Variants in IGF2R observed in about 807,000 individuals in gnomAD.
IGF2R encodes insulin like growth factor 2 receptor.
In IGF2R, 91 loss-of-function variants were observed where a neutral mutation model predicts 270.6. The observed-to-expected ratio is 0.34, with a 90% CI of 0.28 to 0.40. The LOEUF is 0.40. Among genes scored for constraint, IGF2R ranks in the 10% least tolerant of loss-of-function variants. IGF2R has a pLI of 1.00. For missense variants in IGF2R, 2,805 were observed against 3,188.3 expected (o/e 0.88, Z 2.90); for synonymous variants, 1,316 against 1,258.9 (o/e 1.05, Z -0.96).
intron 3 of IGF2R, among the ~76,000 whole-genome samples, chr6:160,009,690 T>C (rs1784303774): frequency 6.6e-6 from 1 of 152,226 alleles, no homozygotes; most frequent in African/African-American, 2.4e-5. Flanking sequence ...GATTTTAATC[T>C]TTAGTTTTTG....
rs1740408289 is a variant in IGF2R, at chr6:160,104,992, G to A, written c.7384G>A (p.Gly2462Arg). The change falls in exon 48 of 48, where the codon GGG (glycine) becomes AGG (arginine). Residue 2462 changes from glycine to arginine, a missense_variant. Physicochemically the swap from Gly to Arg is moderately radical, Grantham distance 125. Around this residue, in one of 2 missense-constraint regions of IGF2R, gnomAD observed 1,851 missense variants for 2,207.2 expected, o/e 0.84. Transcript: ENST00000356956. ...GGTCAGGGGTGAGAAGGCGAGGAAA[G>A]GGAAGTCCAGCTCTGCACAGCAGAA... is the stretch of plus-strand genomic sequence containing the variant. ...GLVRGEKARK[G>R]KSSSAQQKTV... 6.2e-7 allele frequency: 1 copy of A among 1,613,866 alleles called. No homozygotes were observed. The highest frequency in any genetic ancestry group is 1.1e-5 in the South Asian group (1 of 91,088).
intron 4 of IGF2R, among the ~76,000 whole-genome samples, chr6:160,015,899 C>A (rs1281670600): frequency 6.6e-6 from 1 of 152,208 alleles, no homozygotes; most frequent in Admixed American, 6.5e-5. Flanking sequence ...CTCTCACCGT[C>A]TTGCTCCTGC....
At chr6:159,974,067 C>A (rs994007192) in intron 1 of IGF2R, among the ~76,000 whole-genome samples, 1 of 152,148 alleles carries the variant, frequency 6.6e-6, no homozygotes, top group Non-Finnish European at 1.5e-5. Context: ...TCATGGGACC[C>A]ACCAGACTGT....
rs770844502 is a variant in IGF2R at position 160,075,881 on chromosome 6, A to G, written c.5201A>G (p.Asn1734Ser). 7.4e-6 allele frequency: 12 copies of G among 1,614,024 alleles called. No individual in the cohort carries two copies. Among genetic ancestry groups the G allele is most frequent in the South Asian group, 3.3e-5 (3 of 91,094 alleles). ...IGRVAGPPIL[N>S]PIANEIYLNF... ...CGGGTAGCAGGACCACCAATACTCA[A>G]TCCAATAGCAAATGAGATTTACTTG... The change falls in exon 36 of 48, where the codon AAT becomes AGT. Residue 1734 changes from asparagine (N) to serine (S), a missense_variant. Asn to Ser is a conservative substitution (Grantham distance 46). Transcript: ENST00000356956.
At chr6:160,062,168 A>ATTTTTT (rs34356477) in intron 25 of IGF2R, among the ~76,000 whole-genome samples, 16 of 106,604 alleles carry the variant, frequency 1.5e-4, no homozygotes, top group East Asian at 3.1e-4. Context: ...CATTTATTTA[A>ATTTTTT]TTTTTTTTTT....
intron 30 of IGF2R, 100 bp from the exon 31 acceptor site, chr6:160,069,768 A>T: frequency 9.6e-7 from 1 of 1,039,660 alleles, no homozygotes. Flanking sequence ...TAGAAAGCGT[A>T]TGAAGTTCTG....
Position 160,061,580 on chromosome 6 carries a change from G to A in IGF2R, c.3340G>A (p.Asp1114Asn), listed in dbSNP as rs150749328. ...TTGGACGGCTGTTGACACCTCTGTC[G>A]ATGGGAGAAAGAGGACTTTCTATTT... The part of the protein sequence containing the change: ...KPWTAVDTSV[D>N]GRKRTFYLSV... The change falls in exon 24 of 48, where the codon GAT (aspartate) becomes AAT (asparagine). Residue 1114 changes from aspartate to asparagine, a missense_variant. Physicochemically the swap from Asp to Asn is conservative, Grantham distance 23. Around this residue, in one of 2 missense-constraint regions of IGF2R, gnomAD observed 1,851 missense variants for 2,207.2 expected, o/e 0.84. Coordinates refer to ENST00000356956, the MANE Select transcript of IGF2R (RefSeq NM_000876.4). 161 of 1,613,752 alleles carry A rather than the reference G, an allele frequency of 1.0e-4. No homozygotes were observed. The highest frequency in any genetic ancestry group is 1.3e-4 in the Non-Finnish European group (154 of 1,179,764).
At chr6:160,070,715 G>A (rs544116879) in intron 31 of IGF2R, among the ~76,000 whole-genome samples, 84 of 152,312 alleles carry the variant, frequency 5.5e-4, no homozygotes, top group Non-Finnish European at 2.2e-4. Context: ...TGACAAGCTC[G>A]GTGGCTGAGT....
intron 45 of IGF2R, among the ~76,000 whole-genome samples, chr6:160,101,999 G>GCC (rs1779496603): frequency 6.6e-6 from 1 of 152,202 alleles, no homozygotes; most frequent in Admixed American, 6.5e-5. Context: ...TGCTCCCTGG[G>GCC]CCCCACCCTG....
At chr6:160,065,814 GTATATATATATATATA>G (rs59035193) in intron 29 of IGF2R, among the ~76,000 whole-genome samples, 870 of 78,418 alleles carry the variant, frequency 0.011, 26 homozygotes, top group African/African-American at 0.04. Context: ...GTGTGTGTGT[GTATATATATATATATA>G]TATATATATA....
rs796628528 is a variant in IGF2R at position 160,045,605 on chromosome 6, G to C, written c.1766-140G>C. On this transcript the variant is annotated intron_variant, in intron 13 of 47. Transcript: ENST00000356956. ...TAGGTGGAATGCTACAGTATTTGTA[G>C]GGCTGTTTTTTGACCCTTCTATGCA... 1.8e-5 allele frequency: 16 copies of C among 905,256 alleles called. No individual in the cohort carries two copies. In the African/African-American group the frequency reaches 1.8e-4, roughly 10 times the overall value. 56.1% of individuals were successfully genotyped at this position (905,256 alleles called of 1,614,324 possible).
At chr6:159,982,890 C>A (rs1430057171) in intron 1 of IGF2R, among the ~76,000 whole-genome samples, 1 of 152,122 alleles carries the variant, frequency 6.6e-6, no homozygotes, top group Non-Finnish European at 1.5e-5. Flanking sequence ...ATTTTACATA[C>A]TTTAGATGCT....
Position 160,040,733 on chromosome 6 carries a change from C to T in IGF2R, c.1480+9C>T, listed in dbSNP as rs369278303. ...GCTGGTCCGCCATGCAGGTACTGCC[C>T]TCCTTGCCATGCGGGTCTTAGTCCA... On this transcript the variant is annotated intron_variant, in intron 11 of 47. Coordinates refer to ENST00000356956, the MANE Select transcript of IGF2R (RefSeq NM_000876.4). 1.3e-5 allele frequency: 21 copies of T among 1,607,462 alleles called. No individual in the cohort carries two copies. The African/African-American group carries it at 2.8e-4, about 21-fold the overall frequency.
intron 44 of IGF2R, chr6:160,095,241 T>C (rs1583304864): frequency 6.6e-6 from 1 of 152,320 alleles, no homozygotes; most frequent in Non-Finnish European, 1.5e-5. Context: ...GCTCAGACAA[T>C]ATGCTTGGGG....
chr6:160,047,921 AGCT>A lies in IGF2R; in HGVS notation c.2345+18_2345+20del. On this transcript the variant is annotated intron_variant, in intron 17 of 47. Transcript: ENST00000356956. Reference sequence around the variant, plus strand: ...CGACCTCTCCAGGTGAGGCAGAGTCAGCTGCTCTGTTTTTGGCCTGGTACAGAT... The same window carrying A: ...CGACCTCTCCAGGTGAGGCAGAGTCAGCTCTGTTTTTGGCCTGGTACAGAT... 6.5e-7 allele frequency: 1 copy of A among 1,540,958 alleles called. No individual in the cohort carries two copies. The highest frequency in any genetic ancestry group is 9.0e-7 in the Non-Finnish European group (1 of 1,113,376).
At chr6:160,005,760 C>G (rs1309602242) in intron 2 of IGF2R, 2 of 148,794 alleles carry the variant, frequency 1.3e-5, no homozygotes, top group East Asian at 4.0e-4. Context: ...CTCCCCTCCC[C>G]AACTGCAGCC....
intron 28 of IGF2R, 74 bp from the exon 29 acceptor site, chr6:160,064,730 C>A: frequency 1.7e-6 from 2 of 1,201,294 alleles, no homozygotes; most frequent in South Asian, 1.3e-5. Flanking sequence ...TTACTATTTT[C>A]ATTCTTAAAA....
At position 159,998,960 on chromosome 6, in the gene IGF2R, A is replaced by G. The variant is rs1248049776; in HGVS notation, c.289+7637A>G. ...TTCATTTCCCTCATGTTATAAATGAAGAAATGGAAGCGCAAAATGGATCTG... is the reference window on the plus strand; with the variant it reads ...TTCATTTCCCTCATGTTATAAATGAGGAAATGGAAGCGCAAAATGGATCTG... On this transcript the variant is annotated intron_variant, in intron 2 of 47. Transcript: ENST00000356956. The surrounding 1 kb of genome is among the most constrained non-coding windows in gnomAD (Gnocchi z 4.1). Among the ~76,000 whole-genome samples, 1 of 152,256 alleles carries G rather than the reference A, an allele frequency of 6.6e-6. No individual in the cohort carries two copies. The highest frequency in any genetic ancestry group is 1.5e-5 in the Non-Finnish European group (1 of 68,050).
At chr6:160,056,692 G>T (rs913778063) in intron 20 of IGF2R, among the ~76,000 whole-genome samples, 167 bp downstream of exon 20, 3 of 152,156 alleles carry the variant, frequency 2.0e-5, no homozygotes, top group Admixed American at 6.5e-5. Flanking sequence ...TCTCCACTCC[G>T]CAGCTCCCAG....
Sources: allele counts gnomAD v4.1 joint callset (sites outside exome capture counted in the v4.1 genomes callset), GRCh38; gene constraint gnomAD v4.1.1; regional missense constraint gnomAD v4.1.1; non-coding constraint Gnocchi (gnomAD v3.1); transcripts MANE v1.5; gene names NCBI Gene and HGNC (gene_info 2026-07-23, HGNC 2026-07-21).